Variants in ASAP1 observed in about 807,000 individuals in gnomAD.
The protein encoded by ASAP1 is arf-GAP with SH3 domain, ANK repeat and PH domain-containing protein 1.
Under a neutral mutation model 145.2 loss-of-function variants are expected in ASAP1, and 43 were observed. That is an observed-to-expected ratio of 0.30 (90% CI 0.23 to 0.38). The LOEUF is 0.38. ASAP1 is among the 10% of genes least tolerant of loss of function. ASAP1 has a pLI of 1.00. For synonymous variants in ASAP1, 546 were observed against 515.5 expected (o/e 1.06, Z -0.80); for missense variants, 1,018 against 1,355.3 (o/e 0.75, Z 3.91).
At chr8:130,283,156 T>C (rs1821353465) in intron 3 of ASAP1, among the ~76,000 whole-genome samples, 1 of 152,224 alleles carries the variant, frequency 6.6e-6, no homozygotes, top group South Asian at 2.1e-4. Flanking sequence ...CAGTAACTAC[T>C]GTTGGAGAGA....
intron 3 of ASAP1, among the ~76,000 whole-genome samples, chr8:130,354,353 T>C (rs948688530): frequency 3.3e-5 from 5 of 152,184 alleles, no homozygotes; most frequent in Non-Finnish European, 5.9e-5. Context: ...ATTCATGCCA[T>C]GTGTCGACAG....
intron 8 of ASAP1, 105 bp downstream of exon 8, chr8:130,180,645 CT>C: frequency 7.5e-7 from 1 of 1,339,286 alleles, no homozygotes; most frequent in Non-Finnish European, 1.0e-6. Flanking sequence ...AGTTTCCTCT[CT>C]AATAATCAAA....
intron 13 of ASAP1, among the ~76,000 whole-genome samples, chr8:130,143,658 G>C (rs2097618903): frequency 6.6e-6 from 1 of 152,158 alleles, no homozygotes; most frequent in South Asian, 2.1e-4. Context: ...TGGCTGTTTA[G>C]CTAGGAAAAT....
chr8:130,310,883 A>G lies in ASAP1; in HGVS notation c.186+47134T>C, dbSNP rs1823299549. Among the ~76,000 whole-genome samples the G allele has an allele frequency of 2.0e-5, 3 of 152,222 alleles. No individual in the cohort carries two copies. The South Asian group carries it at 6.2e-4, about 31-fold the overall frequency. On this transcript the variant is annotated intron_variant, in intron 3 of 29. Coordinates refer to ENST00000518721, the MANE Select transcript of ASAP1 (RefSeq NM_018482.4). ...TAAACAAGCTTAACATGATGCCAACATAATGTTTAAGTTACACTTTGAGAA... is the reference window on the plus strand; with the variant it reads ...TAAACAAGCTTAACATGATGCCAACGTAATGTTTAAGTTACACTTTGAGAA...
intron 7 of ASAP1, among the ~76,000 whole-genome samples, chr8:130,183,082 T>C (rs1814479066): frequency 6.6e-6 from 1 of 151,118 alleles, no homozygotes; most frequent in African/African-American, 2.4e-5. Context: ...TTTCCAGGAG[T>C]GATGAACTCA....
intron 3 of ASAP1, among the ~76,000 whole-genome samples, chr8:130,284,591 A>G (rs1352333061): frequency 2.6e-5 from 4 of 152,044 alleles, no homozygotes; most frequent in Non-Finnish European, 1.5e-5. Context: ...CAACAAGACC[A>G]ATGGCTTCCT....
At chr8:130,372,235 C>T (rs939471539) in intron 2 of ASAP1, among the ~76,000 whole-genome samples, 3 of 152,218 alleles carry the variant, frequency 2.0e-5, no homozygotes, top group African/African-American at 7.2e-5. Flanking sequence ...TCTGAAGAAG[C>T]AAATTTATTT....
chr8:130,075,367 A>G (rs2097459972), intron 27 of ASAP1, among the ~76,000 whole-genome samples: 3 of 152,178 alleles, frequency 2.0e-5, no homozygotes, highest in Admixed American at 2.0e-4. Flanking sequence ...AGTGCTCTTC[A>G]AAGTGTGTTA....
intron 27 of ASAP1, among the ~76,000 whole-genome samples, chr8:130,064,454 A>G (rs564380893): frequency 9.2e-5 from 14 of 152,266 alleles, no homozygotes; most frequent in African/African-American, 3.1e-4. Context: ...TGAGGAAGGA[A>G]CAGTCTGGAA....
intron 3 of ASAP1, among the ~76,000 whole-genome samples, chr8:130,252,612 C>A (rs1471882345): frequency 6.6e-6 from 1 of 152,136 alleles, no homozygotes; most frequent in Non-Finnish European, 1.5e-5. Context: ...TCAAGAGCTC[C>A]TGTCTGGGGC....
At chr8:130,321,365 C>T (rs531962726) in intron 3 of ASAP1, among the ~76,000 whole-genome samples, 4 of 152,126 alleles carry the variant, frequency 2.6e-5, no homozygotes, top group African/African-American at 9.6e-5. Flanking sequence ...TCTGGTTCAG[C>T]ACCAAAGATT....
At chr8:130,187,797 A>C (rs1814840716) in intron 6 of ASAP1, among the ~76,000 whole-genome samples, 1 of 152,160 alleles carries the variant, frequency 6.6e-6, no homozygotes, top group African/African-American at 2.4e-5. Context: ...ATGCTGATGA[A>C]GCAGGAGCCC....
At chr8:130,237,886 C>T (rs757135924) in intron 3 of ASAP1, among the ~76,000 whole-genome samples, 3 of 152,098 alleles carry the variant, frequency 2.0e-5, no homozygotes, top group African/African-American at 7.2e-5. Flanking sequence ...TCAAGGGCCT[C>T]TGGTCTGCTT....
intron 3 of ASAP1, among the ~76,000 whole-genome samples, chr8:130,275,748 T>A (rs116360544): frequency 6.6e-6 from 1 of 152,136 alleles, no homozygotes; most frequent in African/African-American, 2.4e-5. Context: ...CAAATAAACA[T>A]AAAAATGCTT....
chr8:130,118,509 G>A lies in ASAP1; in HGVS notation c.1774C>T (p.Pro592Ser), dbSNP rs1053498516. ...CTTACCTGCCCAGGTTCCAGCAGTG[G>A]TTCCATTAGCTCTACCCCTTCTGCA... The part of the protein sequence containing the change: ...VYAEGVELME[P>S]LLEPGQELGE... Residue 592 changes from proline to serine, a missense_variant, in exon 19 of 30, where the codon CCA becomes TCA. Physicochemically the swap from Pro to Ser is moderately conservative, Grantham distance 74. Around this residue, in one of 9 missense-constraint regions of ASAP1, gnomAD observed 353 missense variants for 375.4 expected, o/e 0.94. Coordinates refer to ENST00000518721, the MANE Select transcript of ASAP1 (RefSeq NM_018482.4). 4.3e-6 allele frequency: 7 copies of A among 1,609,998 alleles called. No homozygotes were observed. Among genetic ancestry groups the A allele is most frequent in the Non-Finnish European group, 5.9e-6 (7 of 1,177,606 alleles).
intron 3 of ASAP1, among the ~76,000 whole-genome samples, chr8:130,290,417 T>C (rs1821876183): frequency 6.6e-6 from 1 of 152,232 alleles, no homozygotes; most frequent in Admixed American, 6.5e-5. Flanking sequence ...TAACTTGGGA[T>C]GCCCAGAATA....
At chr8:130,337,743 TTCCTC>T (rs912066521) in intron 3 of ASAP1, among the ~76,000 whole-genome samples, 1 of 152,176 alleles carries the variant, frequency 6.6e-6, no homozygotes, top group African/African-American at 2.4e-5. Context: ...GTCTTTTACT[TTCCTC>T]TCCTCTCAAC....
At chr8:130,167,328 C>A in intron 11 of ASAP1, 2 of 650,334 alleles carry the variant, frequency 3.1e-6, no homozygotes, top group Non-Finnish European at 5.6e-6. Flanking sequence ...AAAAAAAAAT[C>A]CAGAGTCATG....
intron 3 of ASAP1, among the ~76,000 whole-genome samples, chr8:130,336,105 A>C (rs1825018469): frequency 6.6e-6 from 1 of 152,176 alleles, no homozygotes; most frequent in Non-Finnish European, 1.5e-5. Context: ...GATTAAGATA[A>C]TGCAAAACAA....
Sources: gnomAD v4.1 joint callset for allele counts (sites outside exome capture counted in the v4.1 genomes callset) on GRCh38, gnomAD v4.1.1 for gene constraint, gnomAD v4.1.1 regional missense constraint, MANE v1.5 for transcripts, NCBI Gene and HGNC (gene_info 2026-07-23, HGNC 2026-07-21) for gene names.